COL4A6: variants seen among roughly 807,000 people sequenced by gnomAD.
The protein encoded by COL4A6 is collagen type IV alpha 6 chain, also known as collagen alpha-6(IV) chain.
Under a neutral mutation model 126.7 loss-of-function variants are expected in COL4A6, and 59 were observed. That is an observed-to-expected ratio of 0.47 (90% CI 0.38 to 0.58). The LOEUF (loss-of-function observed/expected upper bound fraction) is 0.58, where lower values mean the gene tolerates loss of function less well. COL4A6 is among the 20% of genes least tolerant of loss of function. The pLI is 0.00. For synonymous variants in COL4A6, 547 were observed against 496.6 expected (o/e 1.10, Z -1.35); for missense variants, 1,285 against 1,337.3 (o/e 0.96, Z 0.61).
intron 2 of COL4A6, among the ~76,000 whole-genome samples, chrX:108,393,535 G>C (rs1027278547): frequency 8.9e-6 from 1 of 111,752 alleles, no homozygotes; most frequent in African/African-American, 3.3e-5. Context: ...TTTTGAGCTG[G>C]TGAAAATGTT....
chrX:108,355,429 T>A (rs2039939001), intron 2 of COL4A6, among the ~76,000 whole-genome samples: 1 of 112,756 alleles, frequency 8.9e-6, no homozygotes. Context: ...ATCACAGTAT[T>A]TGTTTATTCA....
chrX:108,197,181 T>C (rs2035245811), intron 13 of COL4A6, among the ~76,000 whole-genome samples: 1 of 112,018 alleles, frequency 8.9e-6, no homozygotes. Flanking sequence ...GTAGGGCTCT[T>C]GCCTGGCCCT....
intron 30 of COL4A6, 87 bp from the exon 31 acceptor site, chrX:108,174,708 C>T (rs761949681): frequency 3.8e-5 from 31 of 821,213 alleles, no homozygotes; most frequent in Non-Finnish European, 5.1e-5. Context: ...GGTCGCAGGC[C>T]AAGTGCAGGC....
At chrX:108,281,499 C>T (rs1355989899) in intron 3 of COL4A6, among the ~76,000 whole-genome samples, 9 of 106,755 alleles carry the variant, frequency 8.4e-5, no homozygotes, top group African/African-American at 2.4e-4. Flanking sequence ...TAAAAGAGGA[C>T]ACAAACAAAT....
rs2148117352 is a variant in COL4A6, at chrX:108,179,288, C to T, written c.2282G>A (p.Gly761Glu). 8.3e-7 allele frequency: 1 copy of T among 1,211,271 alleles called. No homozygotes were observed. Among genetic ancestry groups the T allele is most frequent in the East Asian group, 3.0e-5 (1 of 33,788 alleles). The change falls in exon 26 of 45, where the codon GGG becomes GAG. Residue 761 changes from glycine to glutamate, a missense_variant. Coordinates refer to ENST00000334504, the MANE Select transcript of COL4A6 (RefSeq NM_033641.4). The stretch of plus-strand genomic sequence containing the variant: ...TGTTAATCCTTGTAGGCCTTGTTCC[C>T]CCGGAGCACCATTTTCAGCACCAAA... ...DIFGAENGAP[G>E]EQGLQGLTGH...
intron 23 of COL4A6, among the ~76,000 whole-genome samples, chrX:108,181,855 C>G: frequency 8.9e-6 from 1 of 112,145 alleles, no homozygotes; most frequent in Non-Finnish European, 1.9e-5. Context: ...TTAAATAAGC[C>G]TTGCCTATTC....
chrX:108,437,851 T>G, intron 2 of COL4A6, 91 bp downstream of exon 2: 1 of 1,042,479 alleles, frequency 9.6e-7, no homozygotes, highest in Non-Finnish European at 1.3e-6. Context: ...GTGGTGAAAC[T>G]CTCTGCAACC....
intron 2 of COL4A6, among the ~76,000 whole-genome samples, chrX:108,333,589 A>G (rs908223463): frequency 8.9e-6 from 1 of 111,783 alleles, no homozygotes; most frequent in African/African-American, 3.2e-5. Flanking sequence ...ATAGAAGGAA[A>G]AAAAGGCATC....
At chrX:108,262,129 G>T (rs1207943692) in intron 3 of COL4A6, among the ~76,000 whole-genome samples, 1 of 111,662 alleles carries the variant, frequency 9.0e-6, no homozygotes, top group Non-Finnish European at 1.9e-5. Context: ...TCAGCTGCTG[G>T]GTCTCATTTG....
intron 3 of COL4A6, among the ~76,000 whole-genome samples, chrX:108,289,011 A>G (rs1412704617): frequency 8.9e-6 from 1 of 111,844 alleles, no homozygotes; most frequent in Non-Finnish European, 1.9e-5. Context: ...GACTCTTAAC[A>G]AATATCAGCA....
intron 3 of COL4A6, among the ~76,000 whole-genome samples, chrX:108,266,821 G>A (rs2037314245): frequency 9.0e-6 from 1 of 111,491 alleles, no homozygotes; most frequent in African/African-American, 3.3e-5. Flanking sequence ...TAGGGCATGT[G>A]AAAGCATGAA....
rs2037234989 is a variant in COL4A6, at chrX:108,264,051, TAG to T, written c.145-42679_145-42678del. ...AGTCTGGCAGAAAGTTAATGACTTC[TAG>T]AGAGTCCTTCCTGGGTTTTGTTTCT... On this transcript the variant is annotated intron_variant, in intron 3 of 44. Transcript: ENST00000334504. Among the ~76,000 whole-genome samples, 3 of 111,431 alleles carry T rather than the reference TAG, an allele frequency of 2.7e-5. No homozygotes were observed. The South Asian group carries it at 1.1e-3, about 42-fold the overall frequency.
At chrX:108,358,073 A>T (rs746523920) in intron 2 of COL4A6, among the ~76,000 whole-genome samples, 3 of 111,521 alleles carry the variant, frequency 2.7e-5, no homozygotes, top group African/African-American at 9.8e-5. Context: ...CTTGCCTGAC[A>T]CCTTCCCCAA....
intron 12 of COL4A6, among the ~76,000 whole-genome samples, 166 bp downstream of exon 12, chrX:108,204,154 A>G (rs2035473657): frequency 8.9e-6 from 1 of 112,326 alleles, no homozygotes; most frequent in African/African-American, 3.2e-5. Context: ...AAAGCTTTTC[A>G]TAAGGGGCAA....
At chrX:108,375,244 G>T (rs1327869934) in intron 2 of COL4A6, among the ~76,000 whole-genome samples, 1 of 111,597 alleles carries the variant, frequency 9.0e-6, no homozygotes, top group Non-Finnish European at 1.9e-5. Context: ...CAGGAATTAA[G>T]GTTATTTTTT....
chrX:108,161,839 A>G, intron 41 of COL4A6, 104 bp from the exon 42 acceptor site: 1 of 519,411 alleles, frequency 1.9e-6, no homozygotes, highest in Non-Finnish European at 3.3e-6. Flanking sequence ...TCACTAGGAG[A>G]CGATGCACTT....
At chrX:108,195,564 G>A (rs189805168) in intron 14 of COL4A6, among the ~76,000 whole-genome samples, 6 of 112,276 alleles carry the variant, frequency 5.3e-5, no homozygotes, top group African/African-American at 1.6e-4. Flanking sequence ...GAGCCACCGT[G>A]CCTGGCCTAA....
chrX:108,242,510 G>A (rs1314663769), intron 3 of COL4A6, among the ~76,000 whole-genome samples: 2 of 112,226 alleles, frequency 1.8e-5, no homozygotes, highest in African/African-American at 6.5e-5. Context: ...GATTGAGTTA[G>A]TGGTAAACCC....
intron 3 of COL4A6, among the ~76,000 whole-genome samples, chrX:108,242,988 A>G (rs1314647996): frequency 8.9e-6 from 1 of 111,764 alleles, no homozygotes; most frequent in Non-Finnish European, 1.9e-5. Flanking sequence ...GAAACATGCT[A>G]GATACTCTCA....
Sources: gnomAD v4.1 joint callset for allele counts (sites outside exome capture counted in the v4.1 genomes callset) on GRCh38, gnomAD v4.1.1 for gene constraint, MANE v1.5 for transcripts, NCBI Gene and HGNC (gene_info 2026-07-23, HGNC 2026-07-21) for gene names.